The following CLEC12A variants were observed in gnomAD, a reference collection of about 807,000 sequenced individuals.
CLEC12A encodes the protein C-type lectin protein CLL-1.
In CLEC12A, 22 loss-of-function variants were observed where a neutral mutation model predicts 26.5. The ratio of observed to expected loss-of-function variants is 0.83; its 90% CI spans 0.59 to 1.19. The LOEUF (loss-of-function observed/expected upper bound fraction) is 1.19, where lower values mean the gene tolerates loss of function less well. Among genes scored for constraint, CLEC12A ranks in the 50% most tolerant of loss-of-function variants. The probability of loss-of-function intolerance (pLI) is 0.00; values close to 1 mark genes in which losing one functional copy is unlikely to be tolerated. For synonymous variants in CLEC12A, 119 were observed against 101.9 expected, an observed-to-expected ratio of 1.17 and a Z score of -1.01; for missense variants, 353 against 315.6, an observed-to-expected ratio of 1.12 and a Z score of -0.90.
At chr12:9,992,057 G>A (rs898253774) in intron 4 of CLEC12A, 4 of 152,074 alleles carry the variant, frequency 2.6e-5, no homozygotes, top group African/African-American at 7.2e-5. Context: ...TGAGAATCAT[G>A]TTCGTAAATG....
chr12:9,996,858 G>C (rs749609263), downstream of CLEC12A: 10 of 1,613,946 alleles, frequency 6.2e-6, no homozygotes, highest in Middle Eastern at 4.9e-4. Context: ...CAATGTTCCG[G>C]TTGTCAATCT....
upstream of CLEC12A, among the ~76,000 whole-genome samples, chr12:9,969,886 T>A (rs1030866630): frequency 1.3e-5 from 2 of 152,242 alleles, no homozygotes; most frequent in Non-Finnish European, 2.9e-5. Context: ...AACTGTGTGA[T>A]GTTGGATACA....
intron 1 of CLEC12A, among the ~76,000 whole-genome samples, chr12:9,954,232 A>G (rs1354944621): frequency 6.7e-6 from 1 of 148,896 alleles, no homozygotes; most frequent in Non-Finnish European, 1.5e-5. Flanking sequence ...AAAAAAAAAA[A>G]ATCAAACTGT....
chr12:9,985,706 A>G, downstream of CLEC12A: 1 of 372,858 alleles, frequency 2.7e-6, no homozygotes, highest in East Asian at 3.9e-5. Flanking sequence ...GTTCTGAAAA[A>G]AAATATATAG....
intron 1 of CLEC12A, among the ~76,000 whole-genome samples, chr12:9,972,046 G>C (rs1047713754): frequency 3.4e-5 from 3 of 89,526 alleles, no homozygotes; most frequent in African/African-American, 1.3e-4. Flanking sequence ...TTTCATATGT[G>C]TGTGTGTGTG....
chr12:9,959,719 G>A (rs957617504), intron 1 of CLEC12A, among the ~76,000 whole-genome samples: 8 of 152,062 alleles, frequency 5.3e-5, no homozygotes, highest in African/African-American at 1.2e-4. Flanking sequence ...TGCTCCCTCT[G>A]GCATATTCCA....
downstream of CLEC12A, chr12:9,999,169 A>G (rs1865125140): frequency 1.0e-6 from 1 of 960,300 alleles, no homozygotes; most frequent in Non-Finnish European, 1.7e-6. Flanking sequence ...CAACTTTACA[A>G]TTTCAGTATC....
At chr12:9,967,825 C>T (rs145829596), upstream of CLEC12A, among the ~76,000 whole-genome samples, 385 of 152,218 alleles carry the variant, frequency 2.5e-3, no homozygotes, top group African/African-American at 8.4e-3. Context: ...CAGTACTTGT[C>T]GCTAAGGGTG....
At chr12:9,979,214 C>T in intron 2 of CLEC12A, 122 bp from the exon 3 acceptor site, 1 of 966,058 alleles carries the variant, frequency 1.0e-6, no homozygotes, top group Non-Finnish European at 1.6e-6. Flanking sequence ...AGTCTCTTTC[C>T]CTCACTCCTG....
chr12:9,992,634 A>AG (rs1864918777), intron 4 of CLEC12A: 1 of 152,316 alleles, frequency 6.6e-6, no homozygotes, highest in Admixed American at 6.5e-5. Context: ...ATATGAGAAA[A>AG]GGGAAGTTAA....
intron 1 of CLEC12A, among the ~76,000 whole-genome samples, chr12:9,963,476 G>T (rs1591813847): frequency 7.0e-6 from 1 of 143,298 alleles, no homozygotes; most frequent in African/African-American, 2.5e-5. Context: ...CACTAGAGAG[G>T]CTATGGAAGG....
rs1269067520 is a variant in CLEC12A, at chr12:9,953,493, T to A, written c.10+2137T>A. On this transcript the variant is annotated intron_variant, in intron 1 of 6. Coordinates refer to the CLEC12A transcript ENST00000355690. ...CCCCCCCGCCCAGCCAGCCGCCCCGTCCGGGAGGTGAGGGGCGCCTCTGCC... is the reference window on the plus strand; with the variant it reads ...CCCCCCCGCCCAGCCAGCCGCCCCGACCGGGAGGTGAGGGGCGCCTCTGCC... Among the ~76,000 whole-genome samples, 6 of 109,034 alleles carry A rather than the reference T, an allele frequency of 5.5e-5. 1 individual carries two copies. Among genetic ancestry groups the A allele is most frequent in the Admixed American group, 3.3e-4 (3 of 9,066 alleles). The allele number at this position is 109,034 out of a possible 152,430, so 71.5% of individuals were successfully genotyped here.
At chr12:10,004,331 C>T in the CLEC12A span, among the ~76,000 whole-genome samples, 108 of 152,192 alleles carry the variant, frequency 7.1e-4, no homozygotes, top group Non-Finnish European at 1.2e-3. Flanking sequence ...CCAGAAGAAA[C>T]GGGTCACACA....
upstream of CLEC12A, among the ~76,000 whole-genome samples, chr12:9,966,727 G>C (rs1030397737): frequency 1.2e-4 from 18 of 150,892 alleles, no homozygotes; most frequent in African/African-American, 4.4e-4. Flanking sequence ...ATTAAGTCCT[G>C]TTGTGGGGTT....
chr12:9,979,648 T>A, intron 3 of CLEC12A, 124 bp downstream of exon 3: 2 of 697,622 alleles, frequency 2.9e-6, no homozygotes, highest in Non-Finnish European at 4.6e-6. Flanking sequence ...GGGAAAGAAT[T>A]ACATGTGGTT....
At chr12:9,990,681 C>T (rs1864871813) in intron 4 of CLEC12A, among the ~76,000 whole-genome samples, 1 of 152,146 alleles carries the variant, frequency 6.6e-6, no homozygotes, top group African/African-American at 2.4e-5. Flanking sequence ...AAAGCAGTAG[C>T]AGGATTTGAG....
At chr12:9,958,094 A>G (rs899114699) in intron 1 of CLEC12A, among the ~76,000 whole-genome samples, 7 of 152,190 alleles carry the variant, frequency 4.6e-5, no homozygotes, top group African/African-American at 1.7e-4. Flanking sequence ...GGAAGGAGTG[A>G]ATTAAAGTGA....
downstream of CLEC12A, among the ~76,000 whole-genome samples, chr12:9,999,580 TA>T (rs753709500): frequency 2.6e-5 from 4 of 152,222 alleles, no homozygotes; most frequent in Non-Finnish European, 4.4e-5. Context: ...TTGGATCTGA[TA>T]GGGGCTAAAT....
intron 1 of CLEC12A, 31 bp downstream of exon 1, chr12:9,971,718 G>T (rs1767252361): frequency 6.3e-7 from 1 of 1,593,584 alleles, no homozygotes; most frequent in Non-Finnish European, 8.6e-7. Context: ...TGTGTTGTAA[G>T]TTTGTATAAT....
Sources: gnomAD v4.1 joint callset for allele counts (sites outside exome capture counted in the v4.1 genomes callset) on GRCh38, gnomAD v4.1.1 for gene constraint, MANE v1.5 for transcripts, NCBI Gene and HGNC (gene_info 2026-07-23, HGNC 2026-07-21) for gene names.